Variants in MARCHF7 observed in about 807,000 individuals in gnomAD.
The protein encoded by MARCHF7 is membrane associated ring-CH-type finger 7.
A neutral mutation model predicts 76.5 loss-of-function variants in MARCHF7; 20 were observed. That is an observed-to-expected ratio of 0.26 (90% CI 0.18 to 0.38). The LOEUF is 0.38. Among genes scored for constraint, MARCHF7 ranks in the 10% least tolerant of loss-of-function variants. The pLI is 1.00. For missense variants in MARCHF7, 797 were observed against 812.9 expected (o/e 0.98, Z 0.24); for synonymous variants, 295 against 293.0 (o/e 1.01, Z -0.07).
chr2:159,732,914 ATG>A, intron 4 of MARCHF7: 6 of 985,280 alleles, frequency 6.1e-6, no homozygotes, highest in Non-Finnish European at 7.2e-6. Context: ...TATATGTGAG[ATG>A]TAAGATGAAC....
chr2:159,742,494 T>C (rs1704248658), intron 4 of MARCHF7, among the ~76,000 whole-genome samples: 1 of 151,882 alleles, frequency 6.6e-6, no homozygotes, highest in African/African-American at 2.4e-5. Context: ...AAAACAAATA[T>C]TAGGAAAAAT....
At chr2:159,719,405 C>T (rs1257532708) in intron 3 of MARCHF7, among the ~76,000 whole-genome samples, 3 of 151,648 alleles carry the variant, frequency 2.0e-5, no homozygotes. Flanking sequence ...CCCGCCCACT[C>T]CCAATCCCCT....
At chr2:159,715,890 T>G (rs888049599) in intron 3 of MARCHF7, 124 bp downstream of exon 3, 1 of 152,208 alleles carries the variant, frequency 6.6e-6, no homozygotes, top group African/African-American at 2.4e-5. Context: ...CATTGTTCAT[T>G]AGTGTGATGT....
chr2:159,751,262 C>CTGGT, intron 7 of MARCHF7, among the ~76,000 whole-genome samples: 1 of 152,204 alleles, frequency 6.6e-6, no homozygotes, highest in Non-Finnish European at 1.5e-5. Context: ...CAGTACCACT[C>CTGGT]TATCTGGTTA....
intron 9 of MARCHF7, among the ~76,000 whole-genome samples, chr2:159,761,906 A>G (rs1371610481): frequency 6.6e-6 from 1 of 152,302 alleles, no homozygotes; most frequent in South Asian, 2.1e-4. Context: ...CTTGAAAACA[A>G]CTGTGGGGGG....
chr2:159,753,698 G>A (rs1705949047), intron 8 of MARCHF7, among the ~76,000 whole-genome samples: 1 of 152,320 alleles, frequency 6.6e-6, no homozygotes, highest in Admixed American at 6.5e-5. Flanking sequence ...GCTGCTTTGT[G>A]GAGAATGGAT....
At chr2:159,749,511 C>G (rs1306608800) in intron 7 of MARCHF7, among the ~76,000 whole-genome samples, 1 of 151,802 alleles carries the variant, frequency 6.6e-6, no homozygotes, top group Non-Finnish European at 1.5e-5. Context: ...CCATACCTGG[C>G]TAATTTTTGT....
intron 9 of MARCHF7, among the ~76,000 whole-genome samples, chr2:159,760,754 CTG>C (rs1706952849): frequency 6.7e-6 from 1 of 149,230 alleles, no homozygotes; most frequent in Non-Finnish European, 1.5e-5. Context: ...TTGACTCGCT[CTG>C]TCATGCCTTT....
chr2:159,737,519 C>T (rs901243484), intron 4 of MARCHF7, among the ~76,000 whole-genome samples: 1 of 152,214 alleles, frequency 6.6e-6, no homozygotes, highest in African/African-American at 2.4e-5. Flanking sequence ...CACAGTGACT[C>T]ATGCCTGTAA....
chr2:159,737,807 G>T (rs891600793), intron 4 of MARCHF7, among the ~76,000 whole-genome samples: 2 of 152,082 alleles, frequency 1.3e-5, no homozygotes, highest in African/African-American at 4.8e-5. Flanking sequence ...AAAAAAAGAT[G>T]GACAATCACA....
intron 10 of MARCHF7, 89 bp downstream of exon 10, chr2:159,763,082 A>T (rs1314580712): frequency 1.5e-6 from 1 of 655,592 alleles, no homozygotes; most frequent in East Asian, 3.0e-5. Context: ...TTGACATCTT[A>T]TTTCCTTTGG....
At chr2:159,755,012 A>G (rs943529206) in intron 8 of MARCHF7, among the ~76,000 whole-genome samples, 1 of 152,158 alleles carries the variant, frequency 6.6e-6, no homozygotes, top group African/African-American at 2.4e-5. Flanking sequence ...GGATATAGCT[A>G]TGGACTAGAG....
chr2:159,721,510 A>G (rs550365998), intron 3 of MARCHF7, among the ~76,000 whole-genome samples: 1 of 152,230 alleles, frequency 6.6e-6, no homozygotes, highest in Admixed American at 6.5e-5. Context: ...TAGCAGCTGC[A>G]TTATCAGCTT....
Position 159,715,690 on chromosome 2 carries a change from C to T in MARCHF7, c.-91C>T, listed in dbSNP as rs2125256137. 6.6e-6 allele frequency: 1 copy of T among 152,242 alleles called. No homozygotes were observed. The highest frequency in any genetic ancestry group is 1.9e-4 in the East Asian group (1 of 5,182). The allele number at this position is 152,242 out of a possible 1,614,324, so 9.4% of individuals were successfully genotyped here. On this transcript the variant is annotated 5_prime_UTR_variant, in exon 3 of 12. Transcript: ENST00000409175. The stretch of plus-strand genomic sequence containing the variant: ...TAATCTTAATTTTCAGCTTTCTGCC[C>T]TGGCATGAACTTACATGGTCAGAGC...
chr2:159,752,715 G>C (rs1705800636), intron 8 of MARCHF7, 144 bp downstream of exon 8: 3 of 707,504 alleles, frequency 4.2e-6, no homozygotes, highest in Non-Finnish European at 6.4e-6. Context: ...AAGCATTAAA[G>C]AGCATTAGTG....
At chr2:159,741,374 G>T (rs1196977945) in intron 4 of MARCHF7, among the ~76,000 whole-genome samples, 1 of 152,080 alleles carries the variant, frequency 6.6e-6, no homozygotes, top group Non-Finnish European at 1.5e-5. Flanking sequence ...AAAAAAATCT[G>T]ATGGTAAAAT....
chr2:159,760,133 G>C (rs1706854164), intron 9 of MARCHF7, among the ~76,000 whole-genome samples: 1 of 152,070 alleles, frequency 6.6e-6, no homozygotes, highest in Non-Finnish European at 1.5e-5. Flanking sequence ...CTCAGCCCCT[G>C]GCAACTACCA....
chr2:159,761,348 T>G (rs1012098281), intron 9 of MARCHF7, among the ~76,000 whole-genome samples: 1 of 149,790 alleles, frequency 6.7e-6, no homozygotes, highest in African/African-American at 2.5e-5. Flanking sequence ...TTAAAAATGT[T>G]CTGGATATAT....
intron 3 of MARCHF7, among the ~76,000 whole-genome samples, chr2:159,725,814 G>A (rs1482020462): frequency 6.6e-6 from 1 of 152,148 alleles, no homozygotes; most frequent in Non-Finnish European, 1.5e-5. Context: ...AAATTCTGAT[G>A]AGAAACTCCT....
Sources: gnomAD v4.1 joint callset for allele counts (sites outside exome capture counted in the v4.1 genomes callset) on GRCh38, gnomAD v4.1.1 for gene constraint, MANE v1.5 for transcripts, NCBI Gene and HGNC (gene_info 2026-07-23, HGNC 2026-07-21) for gene names.